The following SEC23IP variants were observed in gnomAD, a reference collection of about 807,000 sequenced individuals.
SEC23IP encodes SEC23-interacting protein.
In SEC23IP, 70 loss-of-function variants were observed where a neutral mutation model predicts 113.4. The observed-to-expected ratio is 0.62, with a 90% confidence interval of 0.51 to 0.75. SEC23IP has a LOEUF of 0.75. SEC23IP is among the 30% of genes least tolerant of loss of function. The pLI is 0.00. For missense variants in SEC23IP, 1,160 were observed against 1,204.9 expected, an observed-to-expected ratio of 0.96 and a Z score of 0.55; for synonymous variants, 398 against 421.0, an observed-to-expected ratio of 0.95 and a Z score of 0.67.
At chr10:119,909,955 A>T (rs946213750) in intron 5 of SEC23IP, among the ~76,000 whole-genome samples, 2 of 152,226 alleles carry the variant, frequency 1.3e-5, no homozygotes, top group Non-Finnish European at 2.9e-5. Flanking sequence ...GGAGTTTAGT[A>T]TGCAATGTAG....
At position 119,912,116 on chromosome 10, in the gene SEC23IP, A is replaced by C. The variant is rs775822871; in HGVS notation, c.1264A>C (p.Arg422=). ...GTTQDGQTRP[R]VVKRGIDDNL... ...CACGCAAGATGGACAGACAAGGCCC[A>C]GGGTTGTAAAGCGTGGAATTGATGA... Residue 422 remains arginine (R), a synonymous_variant, in exon 6 of 19, where the codon AGG becomes CGG. Transcript: ENST00000369075. The C allele has an allele frequency of 6.2e-7, 1 of 1,614,120 alleles. No individual in the cohort carries two copies. The highest frequency in any genetic ancestry group is 1.1e-5 in the South Asian group (1 of 91,074).
Position 119,926,078 on chromosome 10 carries a change from A to G in SEC23IP, c.2164A>G (p.Thr722Ala). The G allele has an allele frequency of 1.2e-6, 2 of 1,614,024 alleles. No homozygotes were observed. Among genetic ancestry groups the G allele is most frequent in the Admixed American group, 1.7e-5 (1 of 59,968 alleles). ...AAAGAAGGCAGTGGCGGCCACTTCT[A>G]CAAAAGGACAAGAGCAAAGTGCCCA... ...SEKKAVAATS[T>A]KGQEQSAQKT... is the part of the protein sequence containing the mutation. The change falls in exon 13 of 19, where the codon ACA becomes GCA. Residue 722 changes from threonine (T) to alanine (A), a missense_variant. Coordinates refer to ENST00000369075, the MANE Select transcript of SEC23IP (RefSeq NM_007190.4).
At chr10:119,912,766 G>A (rs34901611) in intron 6 of SEC23IP, among the ~76,000 whole-genome samples, 2 of 150,480 alleles carry the variant, frequency 1.3e-5, no homozygotes, top group African/African-American at 2.4e-5. Flanking sequence ...TCAGCCTCCC[G>A]AGTAGCTGGG....
chr10:119,918,357 T>A, intron 9 of SEC23IP, 36 bp from the exon 10 acceptor site: 1 of 1,233,612 alleles, frequency 8.1e-7, no homozygotes, highest in Non-Finnish European at 1.2e-6. Context: ...TAAAAGTACC[T>A]ACTACATTAT....
At chr10:119,930,132 C>G (rs996646945) in intron 14 of SEC23IP, among the ~76,000 whole-genome samples, 197 bp from the exon 15 acceptor site, 1 of 152,196 alleles carries the variant, frequency 6.6e-6, no homozygotes, top group Middle Eastern at 3.2e-3. Context: ...GGAAATAATT[C>G]TTTTGCTTTG....
At chr10:119,926,458 T>A (rs1333070539) in intron 13 of SEC23IP, among the ~76,000 whole-genome samples, 1 of 152,226 alleles carries the variant, frequency 6.6e-6, no homozygotes, top group Non-Finnish European at 1.5e-5. Context: ...ATTTCAGTTT[T>A]CCCACCGCTC....
In SEC23IP at chr10:119,941,810, C is replaced by G. The variant is rs1855973003; in HGVS notation, c.*1245C>G. 6.6e-6 allele frequency: 1 copy of G among 152,546 alleles called. No homozygotes were observed. Among genetic ancestry groups the G allele is most frequent in the Non-Finnish European group, 1.5e-5 (1 of 68,038 alleles). The allele number at this position is 152,546 out of a possible 1,614,324, so 9.4% of individuals were successfully genotyped here. A position where few individuals can be genotyped will look rare whatever the true frequency, so the allele number is the denominator to read the frequency against. ...GTTTATTCCCTTTTCATTTTGAGTA[C>G]CTGCTTATATGGTCAGTATGTAACG... On this transcript the variant is annotated 3_prime_UTR_variant, in exon 19 of 19. Transcript: ENST00000369075.
In SEC23IP at chr10:119,912,640, TTC is replaced by T. The variant is rs1318483732; in HGVS notation, c.1312+478_1312+479del. 9.5e-5 allele frequency among the ~76,000 whole-genome samples: 13 copies of T among 136,566 alleles called. No individual in the cohort carries two copies. In the East Asian group the frequency reaches 1.1e-3, roughly 12 times the overall value. The allele number at this position is 136,566 out of a possible 152,430, so 89.6% of individuals were successfully genotyped here. Reference sequence around the variant, plus strand: ...CTCCTAGGTATTTTTCTTTTTCTTTTTCTTTTTTTTTTTTTTTTCAGACAGGG... The same window carrying T: ...CTCCTAGGTATTTTTCTTTTTCTTTTTTTTTTTTTTTTTTTTCAGACAGGG... On this transcript the variant is annotated intron_variant, in intron 6 of 18. Transcript: ENST00000369075.
intron 8 of SEC23IP, 98 bp downstream of exon 8, chr10:119,915,987 T>C (rs1178154810): frequency 2.8e-6 from 3 of 1,082,268 alleles, no homozygotes; most frequent in East Asian, 2.9e-5. Flanking sequence ...TCAATCAATA[T>C]GTTTTTAAAA....
rs111588105 is a variant in SEC23IP, at chr10:119,929,470, G to A, written c.2314-137G>A. ...AGGATGGTCTCGATCTCCTGATCTC[G>A]TGATCCGCCCACCTTGGCCTCCCAA... is the stretch of plus-strand genomic sequence containing the variant. On this transcript the variant is annotated intron_variant, in intron 13 of 18. Transcript: ENST00000369075. 8,819 of 655,370 alleles carry A rather than the reference G, an allele frequency of 0.013. 594 individuals carry two copies. The African/African-American group carries it at 0.14, about 11-fold the overall frequency. The allele number at this position is 655,370 out of a possible 1,614,324, so 40.6% of individuals were successfully genotyped here.
intron 8 of SEC23IP, among the ~76,000 whole-genome samples, chr10:119,916,684 A>G (rs150633171): frequency 6.6e-6 from 1 of 152,022 alleles, no homozygotes; most frequent in Non-Finnish European, 1.5e-5. Context: ...TATTCTCTTT[A>G]GTCCTTTTGA....
rs750027806 is a variant in SEC23IP at position 119,930,448 on chromosome 10, A to G, written c.2572+17A>G. 4 of 1,485,622 alleles carry G rather than the reference A, an allele frequency of 2.7e-6. No individual in the cohort carries two copies. The highest frequency in any genetic ancestry group is 3.7e-6 in the Non-Finnish European group (4 of 1,071,928). The allele number at this position is 1,485,622 out of a possible 1,614,324, so 92.0% of individuals were successfully genotyped here. A position where few individuals can be genotyped will look rare whatever the true frequency, so the allele number is the denominator to read the frequency against. On this transcript the variant is annotated intron_variant, in intron 15 of 18. Coordinates refer to ENST00000369075, the MANE Select transcript of SEC23IP (RefSeq NM_007190.4). Reference sequence around the variant, plus strand: ...TTCATTTAGGTAAAAAGCAAATACTATAAAAACTTTTTTTCCTGTCATTTG... The same window carrying G: ...TTCATTTAGGTAAAAAGCAAATACTGTAAAAACTTTTTTTCCTGTCATTTG...
chr10:119,899,400 A>G (rs542935243), intron 2 of SEC23IP, among the ~76,000 whole-genome samples: 6 of 152,360 alleles, frequency 3.9e-5, no homozygotes, highest in African/African-American at 1.4e-4. Context: ...AGATCAGTCA[A>G]ACTCTATCTA....
chr10:119,914,136 G>T (rs986734878), intron 6 of SEC23IP, among the ~76,000 whole-genome samples: 7 of 152,144 alleles, frequency 4.6e-5, no homozygotes, highest in Admixed American at 1.3e-4. Context: ...CTCTATCCCG[G>T]GCGACAAGAG....
At chr10:119,926,336 T>G in intron 13 of SEC23IP, 109 bp downstream of exon 13, 1 of 1,190,076 alleles carries the variant, frequency 8.4e-7, no homozygotes, top group Non-Finnish European at 1.2e-6. Flanking sequence ...TTATTTGTGA[T>G]GTGGAAAAAA....
chr10:119,943,518 A>C lies in SEC23IP; in HGVS notation c.*2953A>C, dbSNP rs950529123. The C allele has an allele frequency of 6.6e-6, 1 of 152,204 alleles. No individual in the cohort carries two copies. Among genetic ancestry groups the C allele is most frequent in the Non-Finnish European group, 1.5e-5 (1 of 68,068 alleles). The allele number at this position is 152,204 out of a possible 1,614,324, so 9.4% of individuals were successfully genotyped here. On this transcript the variant is annotated 3_prime_UTR_variant, in exon 19 of 19. Transcript: ENST00000369075. ...GGCAGGAGAATTGCTTGAACCCAGG[A>C]GGTGGAGGTTGCAGTGAGTTGGGAT... is the stretch of plus-strand genomic sequence containing the variant.
At position 119,932,257 on chromosome 10, in the gene SEC23IP, A is replaced by G. The variant is rs1244125921; in HGVS notation, c.2697A>G (p.Gln899=). The change falls in exon 16 of 19, where the codon CAA becomes CAG. Residue 899 remains glutamine (Q), a synonymous_variant. Coordinates refer to ENST00000369075, the MANE Select transcript of SEC23IP (RefSeq NM_007190.4). ...ARAHTSSTQL[Q]EELEKVANQI... ...CTCATACGTCTTCAACCCAGTTGCA[A>G]GAAGAATTGGAGAAGGTGGCCAATC... 6.2e-7 allele frequency: 1 copy of G among 1,614,172 alleles called. No homozygotes were observed. Among genetic ancestry groups the G allele is most frequent in the Middle Eastern group, 1.6e-4 (1 of 6,062 alleles).
intron 11 of SEC23IP, among the ~76,000 whole-genome samples, 183 bp from the exon 12 acceptor site, chr10:119,920,706 T>A (rs1855226339): frequency 6.6e-6 from 1 of 152,242 alleles, no homozygotes; most frequent in South Asian, 2.1e-4. Flanking sequence ...GATTTAGGTG[T>A]GGAAGCCTAA....
At chr10:119,924,264 C>T (rs924743309) in intron 12 of SEC23IP, among the ~76,000 whole-genome samples, 4 of 151,992 alleles carry the variant, frequency 2.6e-5, no homozygotes, top group African/African-American at 9.7e-5. Flanking sequence ...TAGGCACTGT[C>T]GATAGCTGTT....
Sources: gnomAD v4.1 joint callset for allele counts (sites outside exome capture counted in the v4.1 genomes callset) on GRCh38, gnomAD v4.1.1 for gene constraint, MANE v1.5 for transcripts, NCBI Gene and HGNC (gene_info 2026-07-23, HGNC 2026-07-21) for gene names.